The following TAPT1 variants were observed in gnomAD, a reference collection of about 807,000 sequenced individuals.
The protein encoded by TAPT1 is transmembrane anterior posterior transformation protein 1 homolog.
TAPT1 carries 28 observed loss-of-function variants against 65.6 expected under a neutral mutation model. The observed-to-expected ratio is 0.43, with a 90% CI of 0.32 to 0.59. TAPT1 has a LOEUF of 0.59. TAPT1 is among the 20% of genes least tolerant of loss of function. The pLI, the probability that TAPT1 is intolerant of heterozygous loss-of-function variation, is 0.09. For synonymous variants in TAPT1, 278 were observed against 245.2 expected (o/e 1.13, Z -1.25); for missense variants, 563 against 679.9 (o/e 0.83, Z 1.91).
intron 7 of TAPT1, among the ~76,000 whole-genome samples, chr4:16,184,199 A>T (rs1343595162): frequency 1.3e-5 from 2 of 152,124 alleles, no homozygotes; most frequent in African/African-American, 2.4e-5. Flanking sequence ...CCCAACAAAC[A>T]ACCTCTTATT....
intron 1 of TAPT1, among the ~76,000 whole-genome samples, chr4:16,222,773 G>C (rs978170874): frequency 6.6e-6 from 1 of 152,130 alleles, no homozygotes; most frequent in African/African-American, 2.4e-5. Context: ...GCAAGAAGAG[G>C]TCTAACCATG....
rs1331443782 is a variant in TAPT1, at chr4:16,213,858, T to C, written c.240A>G (p.Arg80=). The C allele has an allele frequency of 6.2e-7, 1 of 1,609,740 alleles. No homozygotes were observed. The highest frequency in any genetic ancestry group is 1.7e-5 in the Admixed American group (1 of 59,038). ...LLRFLSAELT[R]GYFLEHNEAK... Reference sequence around the variant, plus strand: ...CCTCATTATGTTCAAGGAAGTACCCTCTTGTTAGTTCAGCACTGAGGAACC... The same window carrying C: ...CCTCATTATGTTCAAGGAAGTACCCCCTTGTTAGTTCAGCACTGAGGAACC... The change falls in exon 2 of 14, where the codon AGA becomes AGG. Residue 80 remains arginine (R), a synonymous_variant. Transcript: ENST00000405303.
intron 7 of TAPT1, 119 bp from the exon 8 acceptor site, chr4:16,179,776 A>T: frequency 2.0e-6 from 1 of 499,094 alleles, no homozygotes; most frequent in Non-Finnish European, 3.5e-6. Context: ...AAATGTCTAT[A>T]AATATACAAC....
At chr4:16,226,052 G>A in intron 1 of TAPT1, 3 of 1,013,172 alleles carry the variant, frequency 3.0e-6, no homozygotes, top group Non-Finnish European at 3.5e-6. Context: ...GGGGGCCTCG[G>A]GGCTGCGCGC....
intron 11 of TAPT1, among the ~76,000 whole-genome samples, chr4:16,172,371 T>C (rs1748053517): frequency 6.6e-6 from 1 of 152,052 alleles, no homozygotes. Flanking sequence ...AAAAAAAAAT[T>C]CAGGCCTTGT....
At position 16,163,069 on chromosome 4, in the gene TAPT1, G is replaced by C; in HGVS notation, c.*239C>G. The C allele has an allele frequency of 1.7e-6, 1 of 590,708 alleles. No homozygotes were observed. Among genetic ancestry groups the C allele is most frequent in the South Asian group, 1.5e-5 (1 of 65,740 alleles). The allele number at this position is 590,708 out of a possible 1,614,324, so 36.6% of individuals were successfully genotyped here. ...ATGATGCTGCTGCTTGGCCAGGCAG[G>C]AGGAAGTTTTATAATCCATCAAGCT... On this transcript the variant is annotated 3_prime_UTR_variant, in exon 14 of 14. Coordinates refer to ENST00000405303, the MANE Select transcript of TAPT1 (RefSeq NM_153365.3).
intron 12 of TAPT1, 81 bp from the exon 13 acceptor site, chr4:16,166,874 G>A (rs887834004): frequency 1.1e-5 from 15 of 1,418,336 alleles, no homozygotes; most frequent in African/African-American, 5.6e-5. Flanking sequence ...CATGGCTAAG[G>A]AGAAGGTGGG....
At chr4:16,164,624 A>T (rs1387553253) in intron 13 of TAPT1, among the ~76,000 whole-genome samples, 1 of 152,064 alleles carries the variant, frequency 6.6e-6, no homozygotes, top group African/African-American at 2.4e-5. Flanking sequence ...TAGAGATGGG[A>T]CTCACTAGGT....
At chr4:16,188,686 C>T (rs542888263) in intron 4 of TAPT1, among the ~76,000 whole-genome samples, 144 of 150,718 alleles carry the variant, frequency 9.6e-4, no homozygotes, top group African/African-American at 3.4e-3. Context: ...TTTGGGAGGC[C>T]GAGGTGGGCG....
intron 3 of TAPT1, among the ~76,000 whole-genome samples, chr4:16,195,287 G>A (rs1052996924): frequency 2.0e-5 from 3 of 152,214 alleles, no homozygotes; most frequent in African/African-American, 4.8e-5. Context: ...GCTTATCCAA[G>A]GCCCTGCCAT....
rs932984733 is a variant in TAPT1, at chr4:16,160,930, C to A, written c.*2378G>T. The stretch of plus-strand genomic sequence containing the variant: ...GTATCAGTGACACTTGGTCTTTACA[C>A]TTATTCTAAAGGAAAACCTAATAAG... On this transcript the variant is annotated 3_prime_UTR_variant, in exon 14 of 14. Transcript: ENST00000405303. The A allele has an allele frequency of 2.6e-5, 4 of 152,618 alleles. No individual in the cohort carries two copies. Among genetic ancestry groups the A allele is most frequent in the Admixed American group, 6.5e-5 (1 of 15,292 alleles). The allele number at this position is 152,618 out of a possible 1,614,324, so 9.5% of individuals were successfully genotyped here. A position where few individuals can be genotyped will look rare whatever the true frequency, so the allele number is the denominator to read the frequency against.
chr4:16,221,857 T>C (rs1416563176), intron 1 of TAPT1, among the ~76,000 whole-genome samples: 1 of 152,200 alleles, frequency 6.6e-6, no homozygotes, highest in African/African-American at 2.4e-5. Flanking sequence ...CCAGGCCAAT[T>C]AGTAATCAGC....
At chr4:16,206,350 T>C (rs1750344747) in intron 2 of TAPT1, among the ~76,000 whole-genome samples, 1 of 152,230 alleles carries the variant, frequency 6.6e-6, no homozygotes, top group Non-Finnish European at 1.5e-5. Context: ...ACTGTTATAT[T>C]TTAAGCACGT....
intron 3 of TAPT1, among the ~76,000 whole-genome samples, chr4:16,194,367 G>C (rs1749562050): frequency 6.6e-6 from 1 of 152,138 alleles, no homozygotes; most frequent in Non-Finnish European, 1.5e-5. Context: ...GGGACAGTCA[G>C]GAACATGCCT....
chr4:16,222,451 A>G (rs1751305927), intron 1 of TAPT1, among the ~76,000 whole-genome samples: 1 of 152,222 alleles, frequency 6.6e-6, no homozygotes, highest in East Asian at 1.9e-4. Flanking sequence ...TTCTTTGTGA[A>G]CAAATTAATT....
In TAPT1 at chr4:16,186,870, C is replaced by A. The variant is rs1749050905; in HGVS notation, c.757G>T (p.Ala253Ser). The A allele has an allele frequency of 1.9e-6, 3 of 1,604,270 alleles. No homozygotes were observed. Among genetic ancestry groups the A allele is most frequent in the Non-Finnish European group, 1.7e-6 (2 of 1,173,128 alleles). Residue 253 changes from alanine (A) to serine (S), a missense_variant, in exon 6 of 14, where the codon GCA becomes TCA. Physicochemically the swap from Ala to Ser is moderately conservative, Grantham distance 99. Transcript: ENST00000405303. ...GTTGCTTGAACCATTATAAGAATTG[C>A]ATGCAAAACTAATAGAAGGTCAAGG... ...FMAVLYVFLH[A>S]ILIMVQATTL...
intron 7 of TAPT1, among the ~76,000 whole-genome samples, chr4:16,181,261 T>G (rs1033416991): frequency 1.3e-5 from 2 of 152,240 alleles, no homozygotes; most frequent in Non-Finnish European, 2.9e-5. Context: ...CCTTTCTAAT[T>G]TCCATAAATG....
intron 7 of TAPT1, among the ~76,000 whole-genome samples, chr4:16,183,396 A>T (rs1337803974): frequency 6.6e-6 from 1 of 152,170 alleles, no homozygotes; most frequent in Non-Finnish European, 1.5e-5. Flanking sequence ...CCTGATCATT[A>T]TATCATTTTT....
intron 3 of TAPT1, among the ~76,000 whole-genome samples, chr4:16,197,918 G>C (rs1749811922): frequency 1.3e-5 from 2 of 152,112 alleles, no homozygotes; most frequent in Non-Finnish European, 2.9e-5. Flanking sequence ...TAATTCATCA[G>C]AAACTATTTC....
Sources: gnomAD v4.1 joint callset for allele counts (sites outside exome capture counted in the v4.1 genomes callset) on GRCh38, gnomAD v4.1.1 for gene constraint, MANE v1.5 for transcripts, NCBI Gene and HGNC (gene_info 2026-07-23, HGNC 2026-07-21) for gene names.